SHISA9: variants seen among roughly 807,000 people sequenced by gnomAD.
SHISA9 encodes the protein protein shisa-9.
SHISA9 carries 13 observed loss-of-function variants against 38.0 expected under a neutral mutation model. The observed-to-expected ratio is 0.34, with a 90% CI of 0.22 to 0.54. The LOEUF (loss-of-function observed/expected upper bound fraction) is 0.54, where lower values mean the gene tolerates loss of function less well. SHISA9 is among the 20% of genes least tolerant of loss of function. The pLI, the probability that SHISA9 is intolerant of heterozygous loss-of-function variation, is 0.91. For synonymous variants in SHISA9, 275 were observed against 242.0 expected (o/e 1.14, Z -1.27); for missense variants, 538 against 575.8 (o/e 0.93, Z 0.67).
chr16:13,319,039 T>C, the SHISA9 span, among the ~76,000 whole-genome samples: 9 of 152,378 alleles, frequency 5.9e-5, no homozygotes, highest in African/African-American at 2.2e-4. Context: ...AGTCTCACTC[T>C]GTCGCCTAGG....
At chr16:13,484,169 A>G in the SHISA9 span, among the ~76,000 whole-genome samples, 2 of 152,158 alleles carry the variant, frequency 1.3e-5, no homozygotes, top group Admixed American at 6.5e-5. Context: ...GGAGGAAAAA[A>G]ACCCATATAT....
At chr16:12,914,100 C>T (rs141076667) in intron 1 of SHISA9, among the ~76,000 whole-genome samples, 1,524 of 143,654 alleles carry the variant, frequency 0.011, 31 homozygotes, top group African/African-American at 0.037. Flanking sequence ...GGCTGGAGTG[C>T]AATGGCGCGA....
intron 2 of SHISA9, among the ~76,000 whole-genome samples, chr16:13,019,964 CTTCT>C (rs1385218344): frequency 0.02 from 1,760 of 86,022 alleles, 125 homozygotes; most frequent in African/African-American, 0.043. Flanking sequence ...TCTTTCCCTC[CTTCT>C]TTCCTTCCTT....
the SHISA9 span, among the ~76,000 whole-genome samples, chr16:13,335,167 C>A: frequency 1.1e-4 from 17 of 152,314 alleles, no homozygotes; most frequent in East Asian, 3.3e-3. Context: ...AGGAGGCTGG[C>A]CAATTAACTT....
At chr16:13,511,675 G>A in the SHISA9 span, among the ~76,000 whole-genome samples, 1 of 152,076 alleles carries the variant, frequency 6.6e-6, no homozygotes, top group African/African-American at 2.4e-5. Context: ...GGGAGGGAGG[G>A]GGGATTCAGG....
intron 4 of SHISA9, among the ~76,000 whole-genome samples, chr16:13,230,428 G>C (rs905967380): frequency 6.6e-6 from 1 of 152,244 alleles, no homozygotes; most frequent in Non-Finnish European, 1.5e-5. Context: ...GGTATGGCTG[G>C]AAGGACTTGT....
chr16:13,502,942 C>A, the SHISA9 span, among the ~76,000 whole-genome samples: 1 of 151,846 alleles, frequency 6.6e-6, no homozygotes, highest in African/African-American at 2.4e-5. Flanking sequence ...AATGAGTCAA[C>A]AGAGAAATAT....
the SHISA9 span, among the ~76,000 whole-genome samples, chr16:13,427,626 G>A: frequency 6.6e-6 from 1 of 152,194 alleles, no homozygotes; most frequent in Non-Finnish European, 1.5e-5. Flanking sequence ...CATAGAGAGG[G>A]AAGAACAGAG....
chr16:12,956,629 A>G (rs928643423), intron 2 of SHISA9, among the ~76,000 whole-genome samples: 3 of 152,206 alleles, frequency 2.0e-5, no homozygotes, highest in Admixed American at 2.0e-4. Flanking sequence ...CAGAAACGGA[A>G]AATCAAATAT....
intron 1 of SHISA9, among the ~76,000 whole-genome samples, chr16:12,903,625 G>T (rs1454382851): frequency 6.6e-6 from 1 of 152,212 alleles, no homozygotes; most frequent in Admixed American, 6.5e-5. Flanking sequence ...GAGAGGCTGG[G>T]GGTTGGCGTG....
chr16:13,526,016 A>T, the SHISA9 span, among the ~76,000 whole-genome samples: 1 of 152,248 alleles, frequency 6.6e-6, no homozygotes, highest in East Asian at 1.9e-4. Flanking sequence ...GCTTGGCTGT[A>T]TATCAGAATT....
At chr16:13,494,675 A>G in the SHISA9 span, among the ~76,000 whole-genome samples, 1 of 152,222 alleles carries the variant, frequency 6.6e-6, no homozygotes, top group Non-Finnish European at 1.5e-5. Context: ...TCCATATGGC[A>G]GAATATTTTA....
chr16:12,972,882 G>A (rs2072103048), intron 2 of SHISA9, among the ~76,000 whole-genome samples: 1 of 152,050 alleles, frequency 6.6e-6, no homozygotes, highest in Non-Finnish European at 1.5e-5. Context: ...TTGGGAGGCC[G>A]AGGTGGGAGG....
At chr16:13,466,846 A>G in the SHISA9 span, among the ~76,000 whole-genome samples, 1 of 152,208 alleles carries the variant, frequency 6.6e-6, no homozygotes, top group African/African-American at 2.4e-5. Flanking sequence ...TCAGCACTTA[A>G]GCATTGTTAA....
chr16:12,906,539 C>A (rs57654805), intron 1 of SHISA9, among the ~76,000 whole-genome samples: 1 of 152,082 alleles, frequency 6.6e-6, no homozygotes, highest in African/African-American at 2.4e-5. Flanking sequence ...CACAGTCAGT[C>A]ACTATTTATT....
chr16:13,259,903 C>A, the SHISA9 span, among the ~76,000 whole-genome samples: 1 of 151,768 alleles, frequency 6.6e-6, no homozygotes, highest in African/African-American at 2.4e-5. Context: ...GAGACATTTT[C>A]CCCATGGTCT....
the SHISA9 span, among the ~76,000 whole-genome samples, chr16:13,261,889 G>A: frequency 6.6e-6 from 1 of 152,186 alleles, no homozygotes; most frequent in South Asian, 2.1e-4. Context: ...ATCCTCAGGA[G>A]TCGAAACATC....
At chr16:13,359,362 AATCC>A in the SHISA9 span, among the ~76,000 whole-genome samples, 2 of 152,166 alleles carry the variant, frequency 1.3e-5, no homozygotes, top group Non-Finnish European at 1.5e-5. Context: ...GGGCACCTGT[AATCC>A]CAGGTACCCG....
At chr16:12,975,532 T>C (rs2072147122) in intron 2 of SHISA9, among the ~76,000 whole-genome samples, 1 of 151,708 alleles carries the variant, frequency 6.6e-6, no homozygotes, top group Non-Finnish European at 1.5e-5. Flanking sequence ...AATAGAGTTA[T>C]TAGCTCTGTC....
Sources: allele counts gnomAD v4.1 joint callset (sites outside exome capture counted in the v4.1 genomes callset), GRCh38; gene constraint gnomAD v4.1.1; transcripts MANE v1.5; gene names NCBI Gene and HGNC (gene_info 2026-07-23, HGNC 2026-07-21).